The following CCSER1 variants were observed in gnomAD, a reference collection of about 807,000 sequenced individuals.
The protein encoded by CCSER1 is coiled-coil serine rich protein 1.
Under a neutral mutation model 82.0 loss-of-function variants are expected in CCSER1, and 41 were observed. The ratio of observed to expected loss-of-function variants is 0.50; its 90% CI spans 0.39 to 0.65. The LOEUF (loss-of-function observed/expected upper bound fraction) is 0.65, where lower values mean the gene tolerates loss of function less well. Ranked by LOEUF, CCSER1 falls within the 30% of genes least tolerant of loss-of-function variation. The probability of loss-of-function intolerance (pLI) is 0.00; values close to 1 mark genes in which losing one functional copy is unlikely to be tolerated. For synonymous variants in CCSER1, 414 were observed against 383.9 expected (o/e 1.08, Z -0.92); for missense variants, 1,119 against 1,064.2 (o/e 1.05, Z -0.72).
At chr4:91,586,963 AAAT>A (rs1391764446) in intron 10 of CCSER1, among the ~76,000 whole-genome samples, 13 of 151,748 alleles carry the variant, frequency 8.6e-5, no homozygotes, top group African/African-American at 2.7e-4. Context: ...TGAATGAATG[AAAT>A]AATAAATAGT....
At chr4:90,797,287 G>A (rs1416745565) in intron 7 of CCSER1, among the ~76,000 whole-genome samples, 3 of 152,120 alleles carry the variant, frequency 2.0e-5, no homozygotes, top group Admixed American at 6.5e-5. Context: ...TGTTTTGGCT[G>A]AAACTAGGAT....
chr4:90,158,069 T>C (rs1728642073), intron 1 of CCSER1, among the ~76,000 whole-genome samples: 2 of 152,234 alleles, frequency 1.3e-5, no homozygotes, highest in Non-Finnish European at 2.9e-5. Context: ...ATGTCCTTTC[T>C]GTTTGTTAGT....
At chr4:91,102,577 A>C (rs1725186277) in intron 10 of CCSER1, among the ~76,000 whole-genome samples, 1 of 152,226 alleles carries the variant, frequency 6.6e-6, no homozygotes, top group Admixed American at 6.5e-5. Flanking sequence ...CGTTTTTATA[A>C]GGCACATAAG....
chr4:90,444,981 C>T (rs987490402), intron 4 of CCSER1, among the ~76,000 whole-genome samples: 4 of 151,922 alleles, frequency 2.6e-5, no homozygotes, highest in Admixed American at 1.3e-4. Flanking sequence ...ACTTGTTATT[C>T]ATCGTGAAGC....
At chr4:90,855,225 A>G (rs1020157587) in intron 8 of CCSER1, among the ~76,000 whole-genome samples, 1 of 152,128 alleles carries the variant, frequency 6.6e-6, no homozygotes, top group East Asian at 1.9e-4. Context: ...ATAGATGACT[A>G]CATTTGTTTT....
At chr4:90,867,778 A>G (rs1342805329) in intron 8 of CCSER1, among the ~76,000 whole-genome samples, 1 of 152,040 alleles carries the variant, frequency 6.6e-6, no homozygotes, top group Non-Finnish European at 1.5e-5. Context: ...GCTCCCACAA[A>G]TGAATGAGAA....
chr4:90,561,850 A>G (rs1195202842), intron 5 of CCSER1, among the ~76,000 whole-genome samples: 1 of 152,194 alleles, frequency 6.6e-6, no homozygotes, highest in African/African-American at 2.4e-5. Context: ...GGAAAATGAT[A>G]TAACTAATAA....
At chr4:90,842,204 T>C (rs201598063) in intron 8 of CCSER1, among the ~76,000 whole-genome samples, 24 of 152,310 alleles carry the variant, frequency 1.6e-4, no homozygotes, top group East Asian at 7.7e-4. Context: ...AGCAAAAACA[T>C]ATATTTTCTT....
At chr4:90,781,624 T>A (rs1753793949) in intron 7 of CCSER1, 1 of 974,368 alleles carries the variant, frequency 1.0e-6, no homozygotes, top group Non-Finnish European at 1.2e-6. Context: ...TTTTAATACT[T>A]TTTTTCTGTG....
intron 10 of CCSER1, among the ~76,000 whole-genome samples, chr4:91,597,468 A>C (rs1764637840): frequency 6.6e-6 from 1 of 152,126 alleles, no homozygotes; most frequent in Non-Finnish European, 1.5e-5. Flanking sequence ...AAGGTGTATG[A>C]AGAAAAGAGA....
chr4:91,554,389 A>G, intron 10 of CCSER1, among the ~76,000 whole-genome samples: 1 of 151,316 alleles, frequency 6.6e-6, no homozygotes, highest in East Asian at 1.9e-4. Flanking sequence ...TATGTTCATT[A>G]TAACCTTTTG....
chr4:90,732,093 C>T (rs1306897641), intron 7 of CCSER1, among the ~76,000 whole-genome samples: 2 of 148,434 alleles, frequency 1.3e-5, no homozygotes, highest in Non-Finnish European at 3.0e-5. Flanking sequence ...CTCCCTCTTT[C>T]TCTCCTCAGC....
chr4:90,868,137 A>G (rs924696067), intron 8 of CCSER1, among the ~76,000 whole-genome samples: 1 of 152,056 alleles, frequency 6.6e-6, no homozygotes, highest in Non-Finnish European at 1.5e-5. Flanking sequence ...GTGTATAATA[A>G]TCACATCATG....
intron 10 of CCSER1, among the ~76,000 whole-genome samples, chr4:91,257,535 G>T (rs1163245954): frequency 7.7e-6 from 1 of 129,988 alleles, no homozygotes; most frequent in Non-Finnish European, 1.6e-5. Context: ...ATATCCTAAT[G>T]TAAAATGGGC....
At chr4:90,665,064 T>G (rs72873767) in intron 6 of CCSER1, among the ~76,000 whole-genome samples, 27,197 of 152,080 alleles carry the variant, frequency 0.18, 2,578 homozygotes, top group African/African-American at 0.26. Context: ...AACTTATTTT[T>G]CCATTACTTT....
intron 7 of CCSER1, among the ~76,000 whole-genome samples, chr4:90,758,269 A>G (rs1338628610): frequency 6.6e-6 from 1 of 152,136 alleles, no homozygotes; most frequent in East Asian, 1.9e-4. Context: ...CCTATTAAGA[A>G]GAAAATAACT....
intron 10 of CCSER1, among the ~76,000 whole-genome samples, chr4:91,186,382 C>A (rs374636417): frequency 2.0e-5 from 3 of 152,074 alleles, no homozygotes; most frequent in Non-Finnish European, 4.4e-5. Context: ...CTGATGCTTC[C>A]GAGCTCCCCT....
At chr4:90,168,986 A>T (rs189814253) in intron 1 of CCSER1, among the ~76,000 whole-genome samples, 3,504 of 151,958 alleles carry the variant, frequency 0.023, 63 homozygotes, top group Non-Finnish European at 0.037. Context: ...TATGAACTTT[A>T]AAGTAGTTTT....
chr4:90,483,655 A>G (rs1255249497), intron 5 of CCSER1, among the ~76,000 whole-genome samples: 9 of 152,194 alleles, frequency 5.9e-5, no homozygotes, highest in Admixed American at 5.9e-4. Context: ...TGGATATGAA[A>G]TTCTGAGTTG....
Sources: allele counts gnomAD v4.1 joint callset (sites outside exome capture counted in the v4.1 genomes callset), GRCh38; gene constraint gnomAD v4.1.1; transcripts MANE v1.5; gene names NCBI Gene and HGNC (gene_info 2026-07-23, HGNC 2026-07-21).